GRB10: variants seen among roughly 807,000 people sequenced by gnomAD.
GRB10 encodes growth factor receptor bound protein 10.
A neutral mutation model predicts 80.9 loss-of-function variants in GRB10; 20 were observed. The ratio of observed to expected loss-of-function variants is 0.25; its 90% CI spans 0.17 to 0.36. The LOEUF (loss-of-function observed/expected upper bound fraction) is 0.36, where lower values mean the gene tolerates loss of function less well. Among genes scored for constraint, GRB10 ranks in the 10% least tolerant of loss-of-function variants. The pLI is 1.00. For missense variants in GRB10, 548 were observed against 747.7 expected, an observed-to-expected ratio of 0.73 and a Z score of 3.12; for synonymous variants, 291 against 291.5, an observed-to-expected ratio of 1.00 and a Z score of 0.02.
At position 50,614,310 on chromosome 7, in the gene GRB10, A is replaced by G. The variant is rs576333389; in HGVS notation, c.1095+460T>C. Among the ~76,000 whole-genome samples the G allele has an allele frequency of 1.3e-4, 20 of 152,300 alleles. No individual in the cohort carries two copies. In the South Asian group the frequency reaches 1.7e-3, roughly 13 times the overall value. On this transcript the variant is annotated intron_variant, in intron 12 of 18. Coordinates refer to ENST00000401949, the MANE Select transcript of GRB10 (RefSeq NM_001350814.2). ...CACACGTGTGTGTGCATGCCAGCACACACATGCATGCAGAGGGTGGGCAGC... is the reference window on the plus strand; with the variant it reads ...CACACGTGTGTGTGCATGCCAGCACGCACATGCATGCAGAGGGTGGGCAGC...
At chr7:50,790,314 C>A (rs1446000756) in intron 1 of GRB10, among the ~76,000 whole-genome samples, 4 of 152,142 alleles carry the variant, frequency 2.6e-5, no homozygotes, top group Non-Finnish European at 5.9e-5. Context: ...AGTAGTTGGA[C>A]GACCTTAATT....
In GRB10 at chr7:50,605,290, C is replaced by T; in HGVS notation, c.1389G>A (p.Arg463=). The stretch of plus-strand genomic sequence containing the variant: ...AGGCTGGCCAGGGCCGGGGCCTTAC[C>T]CTCCAGGCGTGGCCCTCCTCCAGGG... The part of the protein sequence containing the change: ...SAALEEGHAW[R]KRSTRMNILG... The change falls in exon 15 of 19, where the codon AGG becomes AGA. Residue 463 remains arginine, a splice_region_variant and synonymous_variant. Coordinates refer to ENST00000401949, the MANE Select transcript of GRB10 (RefSeq NM_001350814.2). The T allele has an allele frequency of 1.9e-6, 3 of 1,611,288 alleles. No homozygotes were observed. Among genetic ancestry groups the T allele is most frequent in the South Asian group, 2.2e-5 (2 of 91,056 alleles).
intron 9 of GRB10, among the ~76,000 whole-genome samples, chr7:50,618,596 G>A (rs1585770230): frequency 6.6e-6 from 1 of 152,228 alleles, no homozygotes; most frequent in African/African-American, 2.4e-5. Flanking sequence ...ATGGCCCTGG[G>A]TCTTCTCCCC....
At chr7:50,750,472 A>T (rs1486075225) in intron 3 of GRB10, among the ~76,000 whole-genome samples, 2 of 152,028 alleles carry the variant, frequency 1.3e-5, no homozygotes, top group Admixed American at 1.3e-4. Flanking sequence ...GTTGCCATTC[A>T]CCCTCCATTT....
At chr7:50,724,493 CA>C (rs2068268998) in intron 4 of GRB10, among the ~76,000 whole-genome samples, 1 of 152,190 alleles carries the variant, frequency 6.6e-6, no homozygotes, top group Non-Finnish European at 1.5e-5. Context: ...GCAGTGGGTG[CA>C]TGAAGAGACC....
At chr7:50,773,625 G>C (rs941467109) in intron 2 of GRB10, among the ~76,000 whole-genome samples, 16 of 152,148 alleles carry the variant, frequency 1.1e-4, no homozygotes, top group African/African-American at 3.9e-4. Context: ...AGCTGCTCTA[G>C]AAAACAGTTT....
chr7:50,761,914 C>T (rs1268017057), intron 2 of GRB10: 1 of 152,194 alleles, frequency 6.6e-6, no homozygotes, highest in Admixed American at 6.5e-5. Context: ...CCTCCAGCCA[C>T]ATAAAACATG....
In GRB10 at chr7:50,749,137, T is replaced by TTTTG. The variant is rs1562602893; in HGVS notation, c.-47+6749_-47+6750insCAAA. ...GTTTTGTTTTGTTTTTTTGTTTGTT[T>TTTTG]TTTTTTTTTGAGATGGAGTCTCACT... On this transcript the variant is annotated intron_variant, in intron 3 of 18. Coordinates refer to ENST00000401949, the MANE Select transcript of GRB10 (RefSeq NM_001350814.2). 4.3e-4 allele frequency among the ~76,000 whole-genome samples: 63 copies of TTTTG among 145,240 alleles called. 3 individuals are homozygous for TTTTG. The East Asian group carries it at 0.011, about 25-fold the overall frequency.
chr7:50,625,702 T>C (rs1276253925), intron 8 of GRB10, among the ~76,000 whole-genome samples: 1 of 152,208 alleles, frequency 6.6e-6, no homozygotes, highest in Non-Finnish European at 1.5e-5. Flanking sequence ...TTGATAGAGA[T>C]GGGAAAGAAA....
chr7:50,603,405 T>C (rs1486379641), intron 17 of GRB10, among the ~76,000 whole-genome samples: 1 of 151,992 alleles, frequency 6.6e-6, no homozygotes, highest in Non-Finnish European at 1.5e-5. Flanking sequence ...TGTAGTGGGG[T>C]TTAACCTCTC....
chr7:50,749,562 A>G (rs1020151503), intron 3 of GRB10, among the ~76,000 whole-genome samples: 8 of 152,200 alleles, frequency 5.3e-5, no homozygotes, highest in Admixed American at 5.2e-4. Flanking sequence ...TCTATAAATA[A>G]TCTCCAGGAG....
chr7:50,680,176 T>C (rs1232760468), intron 5 of GRB10, among the ~76,000 whole-genome samples: 2 of 152,212 alleles, frequency 1.3e-5, no homozygotes, highest in African/African-American at 4.8e-5. Flanking sequence ...ATTTCACGGG[T>C]TCCTACACAC....
At chr7:50,678,131 G>T (rs180952743) in intron 5 of GRB10, among the ~76,000 whole-genome samples, 3 of 152,290 alleles carry the variant, frequency 2.0e-5, no homozygotes, top group Non-Finnish European at 1.5e-5. Context: ...TAAGCCTTCT[G>T]TCAGTCAACC....
At chr7:50,606,111 G>C (rs756525318) in intron 14 of GRB10, among the ~76,000 whole-genome samples, 2 of 152,156 alleles carry the variant, frequency 1.3e-5, no homozygotes, top group African/African-American at 2.4e-5. Flanking sequence ...CAACCCTGAG[G>C]GGAGATGCAG....
chr7:50,720,495 G>A (rs1391709581), intron 4 of GRB10, among the ~76,000 whole-genome samples: 1 of 152,052 alleles, frequency 6.6e-6, no homozygotes, highest in Non-Finnish European at 1.5e-5. Flanking sequence ...CTGACACCAG[G>A]CGCCAAAAAG....
At chr7:50,690,220 C>T (rs751123221) in intron 5 of GRB10, among the ~76,000 whole-genome samples, 7 of 151,834 alleles carry the variant, frequency 4.6e-5, no homozygotes, top group South Asian at 2.1e-4. Context: ...CGCTTGAACC[C>T]GGGAGGTGGA....
At chr7:50,725,859 A>AC (rs1227708455) in intron 4 of GRB10, among the ~76,000 whole-genome samples, 3 of 152,054 alleles carry the variant, frequency 2.0e-5, no homozygotes, top group African/African-American at 7.3e-5. Flanking sequence ...CAACTCTAGC[A>AC]CCCCCAATCA....
intron 6 of GRB10, among the ~76,000 whole-genome samples, chr7:50,670,957 C>T (rs138252447): frequency 5.3e-5 from 8 of 152,268 alleles, no homozygotes; most frequent in African/African-American, 1.7e-4. Flanking sequence ...TTCCCTCCTC[C>T]GAAAAATGCA....
rs1051135232 is a variant in GRB10 at position 50,590,886 on chromosome 7, G to C, written c.*2066C>G. On this transcript the variant is annotated 3_prime_UTR_variant, in exon 19 of 19. Coordinates refer to ENST00000401949, the MANE Select transcript of GRB10 (RefSeq NM_001350814.2). ...GCTTTTGTTCTCCTTTTAAATAAAC[G>C]CATATTTATAAATATGAAATACTGC... The C allele has an allele frequency of 1.3e-5, 2 of 152,150 alleles. No homozygotes were observed. Among genetic ancestry groups the C allele is most frequent in the Non-Finnish European group, 2.9e-5 (2 of 68,030 alleles). 9.4% of individuals were successfully genotyped at this position (152,150 alleles called of 1,614,324 possible).
Sources: allele counts gnomAD v4.1 joint callset (sites outside exome capture counted in the v4.1 genomes callset), GRCh38; gene constraint gnomAD v4.1.1; transcripts MANE v1.5; gene names NCBI Gene and HGNC (gene_info 2026-07-23, HGNC 2026-07-21).